The following ZFAND3 variants were observed in gnomAD, a reference collection of about 807,000 sequenced individuals.
The protein encoded by ZFAND3 is AN1-type zinc finger protein 3.
Under a neutral mutation model 29.6 loss-of-function variants are expected in ZFAND3, and 10 were observed. The observed-to-expected ratio is 0.34, with a 90% CI of 0.21 to 0.57. The LOEUF (loss-of-function observed/expected upper bound fraction) is 0.57, where lower values mean the gene tolerates loss of function less well. Ranked by LOEUF, ZFAND3 falls within the 20% of genes least tolerant of loss-of-function variation. The pLI, the probability that ZFAND3 is intolerant of heterozygous loss-of-function variation, is 0.86. For missense variants in ZFAND3, 230 were observed against 304.5 expected, an observed-to-expected ratio of 0.76 and a Z score of 1.82; for synonymous variants, 128 against 112.6, an observed-to-expected ratio of 1.14 and a Z score of -0.87.
chr6:37,968,944 G>A (rs890488588), intron 2 of ZFAND3, among the ~76,000 whole-genome samples: 1 of 152,174 alleles, frequency 6.6e-6, no homozygotes, highest in Non-Finnish European at 1.5e-5. Context: ...CTGCAGTCAT[G>A]TGTCACTTAA....
At chr6:37,861,617 A>C (rs1764492598) in intron 1 of ZFAND3, among the ~76,000 whole-genome samples, 2 of 152,218 alleles carry the variant, frequency 1.3e-5, no homozygotes, top group African/African-American at 4.8e-5. Context: ...ACAGGGGTTA[A>C]AACTATTATG....
chr6:38,010,458 C>T (rs180742359), intron 2 of ZFAND3, among the ~76,000 whole-genome samples: 6 of 152,138 alleles, frequency 3.9e-5, no homozygotes, highest in African/African-American at 1.4e-4. Flanking sequence ...ATATCTAACA[C>T]TGTCATTTTG....
At chr6:37,883,073 A>G (rs1028517768) in intron 1 of ZFAND3, among the ~76,000 whole-genome samples, 2 of 152,080 alleles carry the variant, frequency 1.3e-5, no homozygotes, top group African/African-American at 4.8e-5. Context: ...TTTAAAAACA[A>G]TTAGCTCGGT....
At chr6:38,063,320 A>G (rs1764278844) in intron 3 of ZFAND3, among the ~76,000 whole-genome samples, 1 of 152,212 alleles carries the variant, frequency 6.6e-6, no homozygotes, top group Non-Finnish European at 1.5e-5. Flanking sequence ...TATTTGTTGT[A>G]GTTTATCAGT....
At chr6:38,013,874 A>G (rs1318852185) in intron 2 of ZFAND3, among the ~76,000 whole-genome samples, 1 of 152,194 alleles carries the variant, frequency 6.6e-6, no homozygotes, top group East Asian at 1.9e-4. Flanking sequence ...ATGAACCACT[A>G]CCCTATTTAA....
intron 2 of ZFAND3, among the ~76,000 whole-genome samples, chr6:38,022,539 C>T (rs1031171958): frequency 9.9e-5 from 15 of 152,206 alleles, no homozygotes; most frequent in Non-Finnish European, 1.0e-4. Flanking sequence ...GTGTACCACA[C>T]GCTATACAAA....
rs1766270142 is a variant in ZFAND3 at position 38,153,152 on chromosome 6, G to C, written c.*763G>C. The C allele has an allele frequency of 2.0e-6, 2 of 985,396 alleles. No homozygotes were observed. Among genetic ancestry groups the C allele is most frequent in the South Asian group, 9.4e-5 (2 of 21,292 alleles). The allele number at this position is 985,396 out of a possible 1,614,324, so 61.0% of individuals were successfully genotyped here. A position where few individuals can be genotyped will look rare whatever the true frequency, so the allele number is the denominator to read the frequency against. On this transcript the variant is annotated 3_prime_UTR_variant, in exon 6 of 6. Coordinates refer to ENST00000287218, the MANE Select transcript of ZFAND3 (RefSeq NM_021943.3). ...AGAGTGCCCCGCCTCCGCCGGCTCT[G>C]GTCTGCCATTCGCCAGTGCAGGGAT...
chr6:38,093,682 C>T (rs934404465), intron 4 of ZFAND3, among the ~76,000 whole-genome samples: 25 of 152,124 alleles, frequency 1.6e-4, no homozygotes, highest in African/African-American at 6.0e-4. Context: ...AGCAGAAGAT[C>T]ACTGGAAAAC....
intron 2 of ZFAND3, among the ~76,000 whole-genome samples, chr6:38,051,932 CTG>C (rs1764035684): frequency 6.6e-6 from 1 of 152,172 alleles, no homozygotes; most frequent in African/African-American, 2.4e-5. Flanking sequence ...ACAGGGAAAA[CTG>C]TATAGTCTGC....
rs1414066822 is a variant in ZFAND3, at chr6:37,819,844, C to A, written c.-102C>A. 3 of 711,150 alleles carry A rather than the reference C, an allele frequency of 4.2e-6. No homozygotes were observed. The highest frequency in any genetic ancestry group is 5.4e-6 in the Non-Finnish European group (3 of 550,506). The allele number at this position is 711,150 out of a possible 1,614,324, so 44.1% of individuals were successfully genotyped here. On this transcript the variant is annotated 5_prime_UTR_variant, in exon 1 of 6. Transcript: ENST00000287218. ...CGCCCGCTCCTTCCCCCTCCCCCCGCCCCGAGCCCCCCGACGCCGCCGCCA... is the reference window on the plus strand; with the variant it reads ...CGCCCGCTCCTTCCCCCTCCCCCCGACCCGAGCCCCCCGACGCCGCCGCCA...
chr6:38,142,306 T>C (rs1416494893), intron 5 of ZFAND3: 2 of 471,482 alleles, frequency 4.2e-6, no homozygotes, highest in Non-Finnish European at 8.8e-6. Flanking sequence ...TGATGCCCCC[T>C]GACCACGTTG....
intron 1 of ZFAND3, among the ~76,000 whole-genome samples, chr6:37,870,292 C>T (rs1480766468): frequency 3.0e-5 from 1 of 33,488 alleles, no homozygotes; most frequent in South Asian, 1.4e-3. Context: ...GAGACTGTCT[C>T]AAAAAAAAAA....
At chr6:38,036,624 T>G (rs1763662480) in intron 2 of ZFAND3, among the ~76,000 whole-genome samples, 1 of 152,164 alleles carries the variant, frequency 6.6e-6, no homozygotes, top group Non-Finnish European at 1.5e-5. Context: ...ATAAAAGAGG[T>G]ATGATTACAG....
chr6:37,940,469 C>T (rs1184849320), intron 2 of ZFAND3, among the ~76,000 whole-genome samples: 4 of 151,964 alleles, frequency 2.6e-5, no homozygotes, highest in Non-Finnish European at 5.9e-5. Flanking sequence ...AATTTTATAC[C>T]CTTTAAAAGC....
At chr6:37,833,552 C>T (rs770197374) in intron 1 of ZFAND3, among the ~76,000 whole-genome samples, 4 of 152,016 alleles carry the variant, frequency 2.6e-5, no homozygotes, top group African/African-American at 4.8e-5. Context: ...TGGCCGGGCA[C>T]GGTGGCTCAC....
At chr6:38,100,150 G>A (rs891423103) in intron 4 of ZFAND3, among the ~76,000 whole-genome samples, 6 of 151,560 alleles carry the variant, frequency 4.0e-5, no homozygotes, top group African/African-American at 7.3e-5. Context: ...TGCAACCTCC[G>A]CCTCCCAGGT....
At chr6:38,103,570 C>T (rs1765151075) in intron 4 of ZFAND3, among the ~76,000 whole-genome samples, 1 of 138,858 alleles carries the variant, frequency 7.2e-6, no homozygotes, top group Non-Finnish European at 1.6e-5. Flanking sequence ...TCACGGACTT[C>T]TCAAGTTTCT....
intron 4 of ZFAND3, 52 bp from the exon 5 acceptor site, chr6:38,116,520 G>A (rs1765420681): frequency 6.4e-7 from 1 of 1,558,340 alleles, no homozygotes; most frequent in African/African-American, 1.4e-5. Context: ...AATCAACTGT[G>A]CTTGCCAGGC....
intron 1 of ZFAND3, among the ~76,000 whole-genome samples, chr6:37,836,876 G>T (rs192750391): frequency 1.8e-4 from 28 of 152,186 alleles, no homozygotes; most frequent in African/African-American, 6.5e-4. Flanking sequence ...CTTGATATTT[G>T]ACTTAATTTT....
Sources: allele counts gnomAD v4.1 joint callset (sites outside exome capture counted in the v4.1 genomes callset), GRCh38; gene constraint gnomAD v4.1.1; transcripts MANE v1.5; gene names NCBI Gene and HGNC (gene_info 2026-07-23, HGNC 2026-07-21).